The following PDE6B variants were observed in gnomAD, a reference collection of about 807,000 sequenced individuals.
PDE6B encodes the protein phosphodiesterase 6B, also known as rod cGMP-specific 3',5'-cyclic phosphodiesterase subunit beta.
PDE6B carries 106 observed loss-of-function variants against 109.0 expected under a neutral mutation model. That is an observed-to-expected ratio of 0.97 (90% CI 0.83 to 1.14). The LOEUF (loss-of-function observed/expected upper bound fraction) is 1.14. Among genes scored for constraint, PDE6B ranks in the 50% most tolerant of loss-of-function variants. The pLI is 0.00. For missense variants in PDE6B, 1,193 were observed against 1,155.6 expected, an observed-to-expected ratio of 1.03 and a Z score of -0.47; for synonymous variants, 490 against 471.3, an observed-to-expected ratio of 1.04 and a Z score of -0.51.
At chr4:653,485 G>A (rs1039923116) in intron 3 of PDE6B, 33 of 507,992 alleles carry the variant, frequency 6.5e-5, no homozygotes, top group African/African-American at 4.0e-5. Flanking sequence ...ACCACGGCCC[G>A]ATGTTCTCAA....
At chr4:637,999 G>A (rs779806805) in intron 3 of PDE6B, among the ~76,000 whole-genome samples, 14 of 152,134 alleles carry the variant, frequency 9.2e-5, no homozygotes, top group Non-Finnish European at 2.1e-4. Flanking sequence ...AGTAGAATAC[G>A]GGGTTGATGA....
chr4:667,153 G>A (rs1158540521), intron 20 of PDE6B, among the ~76,000 whole-genome samples: 1 of 152,224 alleles, frequency 6.6e-6, no homozygotes, highest in Non-Finnish European at 1.5e-5. Flanking sequence ...AGACTCGATG[G>A]GGCAGGGGTC....
intron 3 of PDE6B, among the ~76,000 whole-genome samples, chr4:643,171 G>A (rs1735027614): frequency 6.6e-6 from 1 of 152,090 alleles, no homozygotes; most frequent in African/African-American, 2.4e-5. Context: ...AGCTGGGTAT[G>A]GTGGCAGACA....
chr4:658,067 A>AG (rs1053284186), intron 10 of PDE6B, among the ~76,000 whole-genome samples: 5 of 61,848 alleles, frequency 8.1e-5, no homozygotes, highest in Non-Finnish European at 1.5e-4. Flanking sequence ...CAGGTCGTCC[A>AG]GGGGTCCATC....
chr4:650,348 G>T (rs1461525033), intron 3 of PDE6B, among the ~76,000 whole-genome samples: 6 of 152,234 alleles, frequency 3.9e-5, no homozygotes, highest in Admixed American at 6.5e-5. Flanking sequence ...ACTGCTGGGT[G>T]TCCGGCCCCC....
chr4:669,859 C>T (rs182598472), intron 21 of PDE6B, among the ~76,000 whole-genome samples, 187 bp from the exon 22 acceptor site: 13 of 152,248 alleles, frequency 8.5e-5, no homozygotes, highest in Admixed American at 6.5e-4. Context: ...ATAATCAGGG[C>T]ACAGTGTCAA....
At position 666,577 on chromosome 4, in the gene PDE6B, T is replaced by G; in HGVS notation, c.2315T>G (p.Val772Gly). ...GCGGCCGAGCTCCCCAAGCTGCAAG[T>G]GGGCTTCATCGACTTCGTGTGCACA... ...NKAAELPKLQ[V>G]GFIDFVCTFV... The change falls in exon 20 of 22, where the codon GTG (valine) becomes GGG (glycine). Residue 772 changes from valine to glycine, a missense_variant. Val to Gly is a moderately radical substitution (Grantham distance 109). Coordinates refer to ENST00000496514, the MANE Select transcript of PDE6B (RefSeq NM_000283.4). The surrounding 1 kb of genome is among the most constrained non-coding windows in gnomAD (Gnocchi z 5.6). The G allele has an allele frequency of 1.2e-6, 2 of 1,613,254 alleles. No homozygotes were observed. The highest frequency in any genetic ancestry group is 1.7e-6 in the Non-Finnish European group (2 of 1,179,424).
chr4:634,181 G>A (rs1356182589), intron 1 of PDE6B, among the ~76,000 whole-genome samples: 1 of 152,152 alleles, frequency 6.6e-6, no homozygotes, highest in East Asian at 1.9e-4. Context: ...CCTGGTTAAA[G>A]TGTCCGACGA....
At chr4:653,733 C>T (rs1469608011) in intron 3 of PDE6B, 119 bp from the exon 4 acceptor site, 3 of 1,117,842 alleles carry the variant, frequency 2.7e-6, no homozygotes, top group Non-Finnish European at 4.0e-6. Context: ...CACGGCTGGG[C>T]AGGTGGTCAG....
At chr4:660,669 G>A (rs1242252025) in intron 12 of PDE6B, 56 bp downstream of exon 12, 3 of 1,526,106 alleles carry the variant, frequency 2.0e-6, no homozygotes, top group Non-Finnish European at 2.7e-6. Context: ...AGGACATGGG[G>A]GTGGGGATGT....
intron 3 of PDE6B, among the ~76,000 whole-genome samples, chr4:640,907 C>G (rs963356449): frequency 2.0e-5 from 3 of 152,190 alleles, no homozygotes; most frequent in Non-Finnish European, 4.4e-5. Context: ...TGTGTTTATT[C>G]ATTCATGATA....
rs1422236013 is a variant in PDE6B, at chr4:665,767, G to T, written c.2268+438G>T. Among the ~76,000 whole-genome samples the T allele has an allele frequency of 3.9e-5, 6 of 152,334 alleles. No homozygotes were observed. Among genetic ancestry groups the T allele is most frequent in the Non-Finnish European group, 8.8e-5 (6 of 68,020 alleles). The stretch of plus-strand genomic sequence containing the variant: ...AGCGGGGTCTGGATACCTCCTGGCA[G>T]CAGGAGAGGTGCCAGCAAATGGGAG... On this transcript the variant is annotated intron_variant, in intron 19 of 21. Coordinates refer to ENST00000496514, the MANE Select transcript of PDE6B (RefSeq NM_000283.4). The surrounding 1 kb of genome is among the most constrained non-coding windows in gnomAD (Gnocchi z 4.0).
rs1734709948 is a variant in PDE6B, at chr4:636,867, C to G, written c.711+898C>G. On this transcript the variant is annotated intron_variant, in intron 3 of 21. Coordinates refer to ENST00000496514, the MANE Select transcript of PDE6B (RefSeq NM_000283.4). The surrounding 1 kb of genome is among the most constrained non-coding windows in gnomAD (Gnocchi z 4.5). ...CGGTCAGGGCCCCTGGGGCATCCAG[C>G]CATCCAGCCAGTGGACACCTGTGAG... Among the ~76,000 whole-genome samples the G allele has an allele frequency of 6.6e-6, 1 of 152,222 alleles. No individual in the cohort carries two copies. Among genetic ancestry groups the G allele is most frequent in the South Asian group, 2.1e-4 (1 of 4,830 alleles).
At chr4:664,062 C>A (rs950641850) in intron 16 of PDE6B, 52 bp from the exon 17 acceptor site, 3 of 1,313,450 alleles carry the variant, frequency 2.3e-6, no homozygotes, top group Non-Finnish European at 3.3e-6. Flanking sequence ...GCGCTTGGGG[C>A]GGGGTCTCCA....
At chr4:664,085 C>T (rs763769373) in intron 16 of PDE6B, 29 bp from the exon 17 acceptor site, 1 of 1,473,932 alleles carries the variant, frequency 6.8e-7, no homozygotes, top group Non-Finnish European at 9.5e-7. Flanking sequence ...CTTGCTCCCA[C>T]CTGCACCTCC....
chr4:659,735 TG>T (rs1560128762), intron 11 of PDE6B, among the ~76,000 whole-genome samples: 1 of 151,496 alleles, frequency 6.6e-6, no homozygotes, highest in Non-Finnish European at 1.5e-5. Flanking sequence ...CATGTGTGTG[TG>T]CTCACATGTG....
Position 634,842 on chromosome 4 carries a change from G to C in PDE6B, c.621+13G>C, listed in dbSNP as rs1046024642. ...CGAAGACGAAGATGTGAGTGTGGGG[G>C]GCACCTGGGCAGCCGCGCGTCTGCC... On this transcript the variant is annotated intron_variant, in intron 2 of 21. Coordinates refer to ENST00000496514, the MANE Select transcript of PDE6B (RefSeq NM_000283.4). 6.2e-7 allele frequency: 1 copy of C among 1,612,564 alleles called. No individual in the cohort carries two copies. The highest frequency in any genetic ancestry group is 1.7e-4 in the Middle Eastern group (1 of 6,012).
At chr4:668,599 GCTACCCCATGCTATTCCC>G (rs1738091048) in intron 21 of PDE6B, among the ~76,000 whole-genome samples, 1 of 60,838 alleles carries the variant, frequency 1.6e-5, no homozygotes, top group Non-Finnish European at 3.1e-5. Flanking sequence ...TGCTATTCCC[GCTACCCCATGCTATTCCC>G]CTACCCCATG....
intron 7 of PDE6B, 77 bp from the exon 8 acceptor site, chr4:656,168 G>C (rs1415992298): frequency 8.9e-7 from 1 of 1,119,004 alleles, no homozygotes; most frequent in African/African-American, 1.5e-5. Context: ...GCTCACCTCA[G>C]GGCCACAGAG....
Sources: allele counts gnomAD v4.1 joint callset (sites outside exome capture counted in the v4.1 genomes callset), GRCh38; gene constraint gnomAD v4.1.1; non-coding constraint Gnocchi (gnomAD v3.1); transcripts MANE v1.5; gene names NCBI Gene and HGNC (gene_info 2026-07-23, HGNC 2026-07-21).